The following CNTNAP2 variants were observed in gnomAD, a reference collection of about 807,000 sequenced individuals.
CNTNAP2 encodes the protein contactin-associated protein-like 2.
In CNTNAP2, 98 loss-of-function variants were observed where a neutral mutation model predicts 155.2. The ratio of observed to expected loss-of-function variants is 0.63; its 90% CI spans 0.54 to 0.75. The LOEUF is 0.75. Among genes scored for constraint, CNTNAP2 ranks in the 30% least tolerant of loss-of-function variants. The pLI is 0.00. For missense variants in CNTNAP2, 1,727 were observed against 1,688.1 expected, an observed-to-expected ratio of 1.02 and a Z score of -0.40; for synonymous variants, 651 against 631.2, an observed-to-expected ratio of 1.03 and a Z score of -0.47.
rs550769595 is a variant in CNTNAP2, at chr7:146,343,079, TG to T, written c.97+226107del. On this transcript the variant is annotated intron_variant, in intron 1 of 23. Transcript: ENST00000361727. ...CGTTACTGTGTTTGGTAAAGAAGGT[TG>T]TTTTTTTTTTGTTTGTTTTTTGTTT... Among the ~76,000 whole-genome samples the T allele has an allele frequency of 3.5e-3, 526 of 151,984 alleles. 3 individuals carry two copies. Among genetic ancestry groups the T allele is most frequent in the African/African-American group, 0.012 (507 of 41,360 alleles).
chr7:146,525,957 G>A (rs540061565), intron 1 of CNTNAP2, among the ~76,000 whole-genome samples: 14 of 152,122 alleles, frequency 9.2e-5, no homozygotes, highest in South Asian at 2.1e-4. Context: ...TTAGAATAAC[G>A]CACAAGGACA....
intron 1 of CNTNAP2, among the ~76,000 whole-genome samples, chr7:146,654,163 A>C (rs1242144181): frequency 6.6e-6 from 1 of 152,012 alleles, no homozygotes; most frequent in Non-Finnish European, 1.5e-5. Flanking sequence ...AATGATGGAC[A>C]CGATGTCCTT....
intron 14 of CNTNAP2, among the ~76,000 whole-genome samples, chr7:147,908,883 C>G (rs1800012761): frequency 6.6e-6 from 1 of 152,170 alleles, no homozygotes; most frequent in South Asian, 2.1e-4. Flanking sequence ...GTGCCACTTC[C>G]TTTCTGTGTG....
chr7:146,749,924 A>G (rs564569564), intron 1 of CNTNAP2, among the ~76,000 whole-genome samples: 16 of 152,262 alleles, frequency 1.1e-4, no homozygotes, highest in African/African-American at 3.6e-4. Flanking sequence ...GCATGTTTTC[A>G]AAGATAACCT....
At position 148,233,033 on chromosome 7, in the gene CNTNAP2, C is replaced by T. The variant is rs568580656; in HGVS notation, c.3381+3254C>T. ...AGAACCCATGGCATACCTCCAGTGG[C>T]ATCATTTGTGAAAACTCACAGTCGC... On this transcript the variant is annotated intron_variant, in intron 20 of 23. Coordinates refer to ENST00000361727, the MANE Select transcript of CNTNAP2 (RefSeq NM_014141.6). Among the ~76,000 whole-genome samples the T allele has an allele frequency of 1.3e-4, 20 of 152,324 alleles. No individual in the cohort carries two copies. In the South Asian group the frequency reaches 4.1e-3, roughly 32 times the overall value.
At chr7:146,210,961 T>C (rs950778401) in intron 1 of CNTNAP2, among the ~76,000 whole-genome samples, 4 of 152,112 alleles carry the variant, frequency 2.6e-5, no homozygotes, top group Non-Finnish European at 5.9e-5. Flanking sequence ...AGATAAGATT[T>C]TGCCTCAATA....
At chr7:147,282,203 C>T (rs925443102) in intron 8 of CNTNAP2, among the ~76,000 whole-genome samples, 2 of 151,870 alleles carry the variant, frequency 1.3e-5, no homozygotes, top group Admixed American at 6.6e-5. Context: ...AAAGGCTGAG[C>T]TAGACACAAA....
chr7:146,498,620 T>C (rs1797254029), intron 1 of CNTNAP2, among the ~76,000 whole-genome samples: 1 of 152,070 alleles, frequency 6.6e-6, no homozygotes, highest in South Asian at 2.1e-4. Context: ...ACTTTTTCTT[T>C]GATTTGTTTA....
intron 8 of CNTNAP2, among the ~76,000 whole-genome samples, chr7:147,180,324 T>C (rs906394211): frequency 6.6e-5 from 10 of 152,190 alleles, no homozygotes; most frequent in Admixed American, 3.9e-4. Flanking sequence ...CACATGACAG[T>C]ATGCATATTT....
At chr7:147,599,902 T>C (rs1046352436) in intron 12 of CNTNAP2, among the ~76,000 whole-genome samples, 2 of 152,262 alleles carry the variant, frequency 1.3e-5, no homozygotes, top group Non-Finnish European at 2.9e-5. Context: ...ATGATACTAT[T>C]CAATGCAGTG....
In CNTNAP2 at chr7:147,165,472, G is replaced by A. The variant is rs868448548; in HGVS notation, c.1348+32963G>A. Among the ~76,000 whole-genome samples, 87 of 152,140 alleles carry A rather than the reference G, an allele frequency of 5.7e-4. No homozygotes were observed. In the Middle Eastern group the frequency reaches 0.01, roughly 18 times the overall value. On this transcript the variant is annotated intron_variant, in intron 8 of 23. Coordinates refer to ENST00000361727, the MANE Select transcript of CNTNAP2 (RefSeq NM_014141.6). ...GGGTTGTCTGTTTACTCTGCTGACT[G>A]TTCCCTTTGCTGTGCAGATAAGTCC...
intron 7 of CNTNAP2, among the ~76,000 whole-genome samples, 174 bp downstream of exon 7, chr7:147,129,010 T>C (rs1250524740): frequency 6.6e-6 from 1 of 152,202 alleles, no homozygotes; most frequent in Non-Finnish European, 1.5e-5. Context: ...CTTGCTATTC[T>C]TTGAGAATAG....
At chr7:146,413,851 T>A (rs1313063649) in intron 1 of CNTNAP2, among the ~76,000 whole-genome samples, 1 of 152,214 alleles carries the variant, frequency 6.6e-6, no homozygotes, top group Non-Finnish European at 1.5e-5. Context: ...TTTTTCTTTT[T>A]TAAAAGTTGA....
At chr7:148,133,201 G>A (rs534762351) in intron 16 of CNTNAP2, among the ~76,000 whole-genome samples, 6 of 152,222 alleles carry the variant, frequency 3.9e-5, no homozygotes, top group East Asian at 1.9e-4. Context: ...GGTGGCTCAC[G>A]CCTGTAGTCC....
At chr7:146,880,412 C>A in intron 3 of CNTNAP2, among the ~76,000 whole-genome samples, 1 of 151,792 alleles carries the variant, frequency 6.6e-6, no homozygotes, top group East Asian at 1.9e-4. Flanking sequence ...ATGCTGGCAC[C>A]ATGTCGGCAC....
intron 1 of CNTNAP2, among the ~76,000 whole-genome samples, chr7:146,302,531 A>G (rs1190974122): frequency 6.6e-6 from 1 of 152,190 alleles, no homozygotes; most frequent in East Asian, 1.9e-4. Flanking sequence ...AGATTCTTCA[A>G]GATTTATGGA....
chr7:146,338,161 G>T (rs1055749672), intron 1 of CNTNAP2, among the ~76,000 whole-genome samples: 6 of 152,200 alleles, frequency 3.9e-5, no homozygotes, highest in African/African-American at 1.4e-4. Context: ...GGCAGGCATA[G>T]GTAACATTTA....
At chr7:148,120,530 G>A (rs887113686) in intron 16 of CNTNAP2, among the ~76,000 whole-genome samples, 3 of 152,022 alleles carry the variant, frequency 2.0e-5, no homozygotes, top group Non-Finnish European at 4.4e-5. Context: ...ACCTCCCAAA[G>A]TGCTGGGATT....
intron 13 of CNTNAP2, among the ~76,000 whole-genome samples, chr7:147,680,228 T>A (rs967272056): frequency 6.6e-6 from 1 of 151,900 alleles, no homozygotes; most frequent in Non-Finnish European, 1.5e-5. Context: ...GAGAAAACTT[T>A]CCCATCATCA....
Sources: allele counts gnomAD v4.1 joint callset (sites outside exome capture counted in the v4.1 genomes callset), GRCh38; gene constraint gnomAD v4.1.1; transcripts MANE v1.5; gene names NCBI Gene and HGNC (gene_info 2026-07-23, HGNC 2026-07-21).